Variants in RNF4 observed in about 807,000 individuals in gnomAD.
The protein encoded by RNF4 is E3 ubiquitin-protein ligase RNF4.
A neutral mutation model predicts 24.3 loss-of-function variants in RNF4; 7 were observed. The ratio of observed to expected loss-of-function variants is 0.29; its 90% CI spans 0.16 to 0.54. The LOEUF (loss-of-function observed/expected upper bound fraction) is 0.54, where lower values mean the gene tolerates loss of function less well. Among genes scored for constraint, RNF4 ranks in the 20% least tolerant of loss-of-function variants. The probability of loss-of-function intolerance (pLI) is 0.95; values close to 1 mark genes in which losing one functional copy is unlikely to be tolerated. For missense variants in RNF4, 209 were observed against 248.5 expected, an observed-to-expected ratio of 0.84 and a Z score of 1.07; for synonymous variants, 83 against 84.3, an observed-to-expected ratio of 0.98 and a Z score of 0.09.
Position 2,490,519 on chromosome 4 carries a change from C to A in RNF4, c.9+17C>A, listed in dbSNP as rs1735548732. On this transcript the variant is annotated intron_variant, in intron 2 of 7. Transcript: ENST00000314289. ...ATGAGTACAGTAAGTTTTATCATCT[C>A]TTGAATTTTTAATTTTGTAGGGCTA... 1 of 1,609,884 alleles carries A rather than the reference C, an allele frequency of 6.2e-7. No individual in the cohort carries two copies. Among genetic ancestry groups the A allele is most frequent in the African/African-American group, 1.3e-5 (1 of 74,864 alleles).
At position 2,484,068 on chromosome 4, in the gene RNF4, C is replaced by T. The variant is rs984184092; in HGVS notation, c.-157-6269C>T. Among the ~76,000 whole-genome samples, 10 of 10,976 alleles carry T rather than the reference C, an allele frequency of 9.1e-4. 1 individual carries two copies. The South Asian group carries it at 0.018, about 19-fold the overall frequency. The allele number at this position is 10,976 out of a possible 152,430, so 7.2% of individuals were successfully genotyped here. On this transcript the variant is annotated intron_variant, in intron 1 of 7. Coordinates refer to ENST00000314289, the MANE Select transcript of RNF4 (RefSeq NM_002938.5). ...TCTCGAACTCCTGGCCTCAGGTGAT[C>T]CCCCCCCGCCTCGGCCTCCCAAAGT... is the stretch of plus-strand genomic sequence containing the variant.
At chr4:2,493,637 G>T (rs915196379) in intron 2 of RNF4, among the ~76,000 whole-genome samples, 5 of 149,334 alleles carry the variant, frequency 3.3e-5, no homozygotes, top group African/African-American at 1.2e-4. Flanking sequence ...CCAGCTACTC[G>T]GGAGGCTGAG....
chr4:2,488,107 C>CTTT (rs1735467560), intron 1 of RNF4, among the ~76,000 whole-genome samples: 1 of 152,204 alleles, frequency 6.6e-6, no homozygotes, highest in Non-Finnish European at 1.5e-5. Context: ...TTGCTCATTG[C>CTTT]TGTATTCCCA....
At chr4:2,504,860 G>A (rs539960325) in intron 4 of RNF4, among the ~76,000 whole-genome samples, 1 of 150,700 alleles carries the variant, frequency 6.6e-6, no homozygotes, top group East Asian at 2.0e-4. Context: ...AGCCTATTGA[G>A]TAGCTGGGAC....
At chr4:2,493,891 G>A (rs549423452) in intron 2 of RNF4, among the ~76,000 whole-genome samples, 1 of 151,782 alleles carries the variant, frequency 6.6e-6, no homozygotes, top group South Asian at 2.1e-4. Context: ...GCCCAGGCTG[G>A]AGTGCAGTGG....
At chr4:2,482,731 C>CAT (rs1333430907) in intron 1 of RNF4, among the ~76,000 whole-genome samples, 1 of 152,202 alleles carries the variant, frequency 6.6e-6, no homozygotes, top group Admixed American at 6.6e-5. Flanking sequence ...CCTCTCTGAG[C>CAT]ATAGTCTGCT....
chr4:2,501,506 C>G (rs1474823379), intron 4 of RNF4, among the ~76,000 whole-genome samples: 1 of 152,196 alleles, frequency 6.6e-6, no homozygotes, highest in African/African-American at 2.4e-5. Flanking sequence ...TCCTGCCTGC[C>G]AGGAGGGAGG....
intron 4 of RNF4, among the ~76,000 whole-genome samples, chr4:2,504,870 C>T (rs1047982967): frequency 4.6e-5 from 7 of 151,590 alleles, no homozygotes; most frequent in Admixed American, 4.6e-4. Context: ...GTAGCTGGGA[C>T]TACAGGCACG....
chr4:2,490,456 T>G lies in RNF4; in HGVS notation c.-38T>G. On this transcript the variant is annotated 5_prime_UTR_variant, in exon 2 of 8. Coordinates refer to ENST00000314289, the MANE Select transcript of RNF4 (RefSeq NM_002938.5). The stretch of plus-strand genomic sequence containing the variant: ...CCTGCAAACCTTGGTATAGATCACT[T>G]CCTTTTCTGTAGGAAAGGAAAGGCA... 1 of 1,610,378 alleles carries G rather than the reference T, an allele frequency of 6.2e-7. No individual in the cohort carries two copies. The highest frequency in any genetic ancestry group is 8.5e-7 in the Non-Finnish European group (1 of 1,178,112).
At position 2,497,158 on chromosome 4, in the gene RNF4, A is replaced by T. The variant is rs369245327; in HGVS notation, c.124+37A>T. On this transcript the variant is annotated intron_variant, in intron 3 of 7. Coordinates refer to ENST00000314289, the MANE Select transcript of RNF4 (RefSeq NM_002938.5). ...AGGGACACTACAACTGTGGGGTGTT[A>T]AAGTGGAGAGAGAACACTGTACCAG... 60 of 1,496,160 alleles carry T rather than the reference A, an allele frequency of 4.0e-5. No homozygotes were observed. In the African/African-American group the frequency reaches 7.3e-4, roughly 18 times the overall value. The allele number at this position is 1,496,160 out of a possible 1,614,324, so 92.7% of individuals were successfully genotyped here.
At chr4:2,476,531 T>C (rs911601384) in intron 1 of RNF4, among the ~76,000 whole-genome samples, 18 of 152,282 alleles carry the variant, frequency 1.2e-4, no homozygotes, top group African/African-American at 4.3e-4. Context: ...GACCTGGGAT[T>C]ACAGGCATGT....
intron 2 of RNF4, among the ~76,000 whole-genome samples, chr4:2,493,776 C>A (rs2108764175): frequency 6.9e-6 from 1 of 145,476 alleles, no homozygotes; most frequent in African/African-American, 2.6e-5. Flanking sequence ...GACTTGGCTA[C>A]AAGGGAAGGA....
chr4:2,495,768 G>A (rs1034200776), intron 2 of RNF4, among the ~76,000 whole-genome samples: 3 of 152,188 alleles, frequency 2.0e-5, no homozygotes, highest in Non-Finnish European at 2.9e-5. Context: ...GAGTAGCTGG[G>A]ATTACAGGCA....
In RNF4 at chr4:2,504,523, C is replaced by CA. The variant is rs1560411796; in HGVS notation, c.204+3785_204+3786insA. 9.9e-3 allele frequency among the ~76,000 whole-genome samples: 1,256 copies of CA among 126,714 alleles called. 15 individuals are homozygous for CA. The highest frequency in any genetic ancestry group is 0.033 in the African/African-American group (1,174 of 35,064). 83.1% of individuals were successfully genotyped at this position (126,714 alleles called of 152,430 possible). Reference sequence around the variant, plus strand: ...TGTTTAAAACTTCTTTGTTTTATAGCTTTTATTTATTTATTTATTTATTTA... The same window carrying CA: ...TGTTTAAAACTTCTTTGTTTTATAGCATTTTATTTATTTATTTATTTATTTA... On this transcript the variant is annotated intron_variant, in intron 4 of 7. Coordinates refer to ENST00000314289, the MANE Select transcript of RNF4 (RefSeq NM_002938.5).
intron 2 of RNF4, among the ~76,000 whole-genome samples, chr4:2,496,019 C>G (rs1034130479): frequency 6.6e-6 from 1 of 152,216 alleles, no homozygotes; most frequent in African/African-American, 2.4e-5. Context: ...ATTGGCAAAC[C>G]AGCAGCCTAA....
chr4:2,506,770 G>T (rs376956753), intron 4 of RNF4, among the ~76,000 whole-genome samples: 1 of 151,962 alleles, frequency 6.6e-6, no homozygotes, highest in Non-Finnish European at 1.5e-5. Context: ...AGGTCTTACC[G>T]TATTGCCCAG....
intron 4 of RNF4, among the ~76,000 whole-genome samples, chr4:2,510,216 G>A (rs531127265): frequency 6.6e-6 from 1 of 152,264 alleles, no homozygotes; most frequent in East Asian, 1.9e-4. Context: ...TGCCATTTGG[G>A]AAACAAAATC....
At chr4:2,499,293 T>C (rs1400223991) in intron 3 of RNF4, 1 of 451,624 alleles carries the variant, frequency 2.2e-6, no homozygotes, top group Non-Finnish European at 4.4e-6. Context: ...GTTGTTGTTG[T>C]TGTTTGTTTG....
intron 4 of RNF4, among the ~76,000 whole-genome samples, chr4:2,503,862 GC>G (rs1243311557): frequency 1.3e-5 from 2 of 152,278 alleles, no homozygotes; most frequent in East Asian, 3.9e-4. Context: ...CACTGCTTTA[GC>G]TCCAGTAGCT....
Sources: allele counts gnomAD v4.1 joint callset (sites outside exome capture counted in the v4.1 genomes callset), GRCh38; gene constraint gnomAD v4.1.1; transcripts MANE v1.5; gene names NCBI Gene and HGNC (gene_info 2026-07-23, HGNC 2026-07-21).